Variants in SV2C observed in about 807,000 individuals in gnomAD.
SV2C encodes synaptic vesicle glycoprotein 2C.
Under a neutral mutation model 79.7 loss-of-function variants are expected in SV2C, and 49 were observed. That is an observed-to-expected ratio of 0.61 (90% CI 0.49 to 0.78). SV2C has a LOEUF of 0.78. Ranked by LOEUF, SV2C falls within the 30% of genes least tolerant of loss-of-function variation. The probability of loss-of-function intolerance (pLI) is 0.00; values close to 1 mark genes in which losing one functional copy is unlikely to be tolerated. For synonymous variants in SV2C, 334 were observed against 333.2 expected, an observed-to-expected ratio of 1.00 and a Z score of -0.03; for missense variants, 833 against 912.9, an observed-to-expected ratio of 0.91 and a Z score of 1.13.
chr5:76,081,707 G>T (rs760089213), upstream of SV2C, among the ~76,000 whole-genome samples: 6 of 152,194 alleles, frequency 3.9e-5, no homozygotes, highest in Non-Finnish European at 5.9e-5. Flanking sequence ...AACAGCACAT[G>T]AGAATCATAA....
chr5:76,323,331 A>G (rs1288319498), intron 12 of SV2C, among the ~76,000 whole-genome samples: 7 of 152,272 alleles, frequency 4.6e-5, no homozygotes, highest in Non-Finnish European at 1.0e-4. Flanking sequence ...CAAAACTGCA[A>G]TGAGATACTA....
chr5:76,319,248 C>CAA (rs11341644), intron 12 of SV2C, among the ~76,000 whole-genome samples: 1 of 141,882 alleles, frequency 7.0e-6, no homozygotes, highest in Non-Finnish European at 1.6e-5. Context: ...TGCATCTCTA[C>CAA]AAAAAAAAAA....
At chr5:75,935,253 G>A in the SV2C span, among the ~76,000 whole-genome samples, 1 of 151,670 alleles carries the variant, frequency 6.6e-6, no homozygotes. Flanking sequence ...CCATTAGGCT[G>A]GTAAAGATTT....
At chr5:76,283,511 A>C (rs1346506496) in intron 4 of SV2C, among the ~76,000 whole-genome samples, 1 of 152,204 alleles carries the variant, frequency 6.6e-6, no homozygotes, top group Non-Finnish European at 1.5e-5. Context: ...AGAGCTTTTA[A>C]AAAGAAGTTC....
chr5:75,847,925 T>C, the SV2C span, among the ~76,000 whole-genome samples: 2 of 152,154 alleles, frequency 1.3e-5, no homozygotes, highest in African/African-American at 2.4e-5. Flanking sequence ...CCAGGTACGA[T>C]CTAGAACAAC....
intron 12 of SV2C, among the ~76,000 whole-genome samples, chr5:76,304,248 T>C (rs1748111766): frequency 6.6e-6 from 1 of 152,226 alleles, no homozygotes; most frequent in African/African-American, 2.4e-5. Context: ...ATCTAGAAGA[T>C]GACTTGTGCT....
chr5:76,063,275 T>C, the SV2C span, among the ~76,000 whole-genome samples: 1,145 of 152,258 alleles, frequency 7.5e-3, 18 homozygotes, highest in African/African-American at 0.026. Context: ...TCCCACCTTC[T>C]AGAGGGGAAG....
chr5:75,959,390 T>G, the SV2C span, among the ~76,000 whole-genome samples: 1 of 151,986 alleles, frequency 6.6e-6, no homozygotes, highest in Non-Finnish European at 1.5e-5. Flanking sequence ...TCATCCTGTT[T>G]AACATCTCAT....
chr5:76,104,155 A>G (rs1344965062), intron 1 of SV2C, among the ~76,000 whole-genome samples: 2 of 152,212 alleles, frequency 1.3e-5, no homozygotes, highest in Admixed American at 1.3e-4. Context: ...TGTAGGTAGC[A>G]CTATGAGCAT....
chr5:75,852,284 G>A, the SV2C span, among the ~76,000 whole-genome samples: 1,748 of 152,174 alleles, frequency 0.011, 19 homozygotes, highest in Non-Finnish European at 0.017. Flanking sequence ...TGCACGTTCT[G>A]CACATGTACC....
At chr5:76,003,101 G>A in the SV2C span, among the ~76,000 whole-genome samples, 3 of 152,102 alleles carry the variant, frequency 2.0e-5, no homozygotes, top group Admixed American at 6.5e-5. Flanking sequence ...CCTTTTGCTC[G>A]GCACTTCTCC....
At chr5:76,001,870 C>T in the SV2C span, among the ~76,000 whole-genome samples, 109 of 152,076 alleles carry the variant, frequency 7.2e-4, no homozygotes, top group African/African-American at 2.5e-3. Flanking sequence ...TCTTCAGTGG[C>T]GATTTCTGAG....
At chr5:76,037,623 G>T in the SV2C span, among the ~76,000 whole-genome samples, 1 of 152,180 alleles carries the variant, frequency 6.6e-6, no homozygotes, top group African/African-American at 2.4e-5. Flanking sequence ...CCAGCTGCGT[G>T]CTGGGAGAAC....
intron 4 of SV2C, among the ~76,000 whole-genome samples, chr5:76,244,011 G>A (rs1745873520): frequency 6.6e-6 from 1 of 152,190 alleles, no homozygotes; most frequent in Non-Finnish European, 1.5e-5. Flanking sequence ...GTGGCTTGGA[G>A]AGGCCATCCC....
intron 2 of SV2C, among the ~76,000 whole-genome samples, chr5:76,137,708 A>T (rs1043956974): frequency 7.9e-5 from 12 of 152,138 alleles, no homozygotes; most frequent in Admixed American, 6.5e-4. Context: ...TCATATTACA[A>T]TCCTCTTAAA....
chr5:76,128,237 C>A (rs897366401), intron 1 of SV2C, among the ~76,000 whole-genome samples: 1 of 152,144 alleles, frequency 6.6e-6, no homozygotes. Flanking sequence ...GTTACATTAT[C>A]TTTTGAAGTA....
chr5:76,052,134 A>G, the SV2C span, among the ~76,000 whole-genome samples: 2 of 152,198 alleles, frequency 1.3e-5, no homozygotes, highest in African/African-American at 4.8e-5. Context: ...AACTGAAAAG[A>G]AACCCCAAGG....
At chr5:76,090,276 A>C (rs1050891283) in intron 1 of SV2C, among the ~76,000 whole-genome samples, 2 of 152,148 alleles carry the variant, frequency 1.3e-5, no homozygotes, top group Non-Finnish European at 2.9e-5. Context: ...AAATTCTGTG[A>C]GTGTGGGGTC....
chr5:75,858,136 C>T, the SV2C span, among the ~76,000 whole-genome samples: 3,083 of 152,242 alleles, frequency 0.02, 89 homozygotes, highest in African/African-American at 0.067. Context: ...GATTCCCAGT[C>T]GTACGGTGAA....
Sources: allele counts gnomAD v4.1 joint callset (sites outside exome capture counted in the v4.1 genomes callset), GRCh38; gene constraint gnomAD v4.1.1; transcripts MANE v1.5; gene names NCBI Gene and HGNC (gene_info 2026-07-23, HGNC 2026-07-21).